Variants in MMP25 observed in about 807,000 individuals in gnomAD.
MMP25 encodes matrix metalloproteinase-25.
A neutral mutation model predicts 62.1 loss-of-function variants in MMP25; 68 were observed. The ratio of observed to expected loss-of-function variants is 1.10; its 90% CI spans 0.90 to 1.34. The LOEUF (loss-of-function observed/expected upper bound fraction) is 1.34, where lower values mean the gene tolerates loss of function less well. MMP25 is among the 40% of genes most tolerant of loss of function. MMP25 has a pLI of 0.00. For missense variants in MMP25, 942 were observed against 792.5 expected, an observed-to-expected ratio of 1.19 and a Z score of -2.26; for synonymous variants, 407 against 345.6, an observed-to-expected ratio of 1.18 and a Z score of -1.97.
Position 3,058,242 on chromosome 16 carries a change from G to T in MMP25, c.1068G>T (p.Leu356=). Residue 356 remains leucine (L), a synonymous_variant, in exon 8 of 10, where the codon CTG becomes CTT. Coordinates refer to ENST00000336577, the MANE Select transcript of MMP25 (RefSeq NM_022468.5). ...TGGTGTCCCCGCGACCCGCACGGCTGCACCGCTTCTGGGAGGGGCTGCCCG... is the reference window on the plus strand; with the variant it reads ...TGGTGTCCCCGCGACCCGCACGGCTTCACCGCTTCTGGGAGGGGCTGCCCG... ...GQLVSPRPAR[L]HRFWEGLPAQ... 1 of 1,611,928 alleles carries T rather than the reference G, an allele frequency of 6.2e-7. No individual in the cohort carries two copies. The highest frequency in any genetic ancestry group is 1.7e-5 in the Admixed American group (1 of 59,860).
intron 7 of MMP25, 140 bp downstream of exon 7, chr16:3,057,753 C>T: frequency 2.6e-6 from 2 of 782,104 alleles, no homozygotes; most frequent in East Asian, 2.5e-5. Flanking sequence ...GGCCGCAGTG[C>T]AGTGGTGTGA....
rs1414833753 is a variant in MMP25 at position 3,059,787 on chromosome 16, CG to C, written c.*690del. ...CAGATATCACCCCTGAGGACCCATG[CG>C]CCACGTCCTGGGTGGTGGAATCAGT... On this transcript the variant is annotated 3_prime_UTR_variant, in exon 10 of 10. Coordinates refer to ENST00000336577, the MANE Select transcript of MMP25 (RefSeq NM_022468.5). 6.6e-6 allele frequency: 1 copy of C among 152,334 alleles called. No homozygotes were observed. The highest frequency in any genetic ancestry group is 2.4e-5 in the African/African-American group (1 of 41,416). The allele number at this position is 152,334 out of a possible 1,614,324, so 9.4% of individuals were successfully genotyped here.
In MMP25 at chr16:3,058,338, G is replaced by C. The variant is rs1162121773; in HGVS notation, c.1159+5G>C. 1 of 1,549,390 alleles carries C rather than the reference G, an allele frequency of 6.5e-7. No individual in the cohort carries two copies. The highest frequency in any genetic ancestry group is 2.0e-5 in the Admixed American group (1 of 48,884). ...GCCGAATCCTCCTCTTTAGCGGTGA[G>C]TGGGGCCGGCGGCGGGGCGCGCTGG... is the stretch of plus-strand genomic sequence containing the variant. On this transcript the variant is annotated splice_donor_5th_base_variant and intron_variant, in intron 8 of 9. Transcript: ENST00000336577.
intron 4 of MMP25, 52 bp from the exon 5 acceptor site, chr16:3,056,981 C>T: frequency 9.2e-6 from 14 of 1,515,488 alleles, no homozygotes; most frequent in African/African-American, 1.4e-5. Context: ...CTTCCTGTGG[C>T]CCCTTTCCCC....
At chr16:3,050,574 C>T (rs765299471) in intron 4 of MMP25, 28 bp downstream of exon 4, 1 of 1,501,840 alleles carries the variant, frequency 6.7e-7, no homozygotes, top group Non-Finnish European at 8.9e-7. Context: ...ATGAGAGATC[C>T]TCTTGCCAGG....
intron 2 of MMP25, among the ~76,000 whole-genome samples, chr16:3,048,867 G>A (rs1202642324): frequency 6.7e-6 from 1 of 150,358 alleles, no homozygotes; most frequent in Non-Finnish European, 1.5e-5. Context: ...GTACAGTGGC[G>A]CAATCTCGGC....
Position 3,060,156 on chromosome 16 carries a change from CCA to C in MMP25, c.*1061_*1062del, listed in dbSNP as rs1596225370. On this transcript the variant is annotated 3_prime_UTR_variant, in exon 10 of 10. Transcript: ENST00000336577. ...ACCTCGTTCACCCTGTCCCCACTCC[CCA>C]CAGTTTTAGGATCTAAATGATTGCC... 1 of 152,236 alleles carries C rather than the reference CCA, an allele frequency of 6.6e-6. No homozygotes were observed. Among genetic ancestry groups the C allele is most frequent in the Non-Finnish European group, 1.5e-5 (1 of 68,110 alleles). 9.4% of individuals were successfully genotyped at this position (152,236 alleles called of 1,614,324 possible).
At position 3,046,706 on chromosome 16, in the gene MMP25, G is replaced by A. The variant is rs1955824629; in HGVS notation, c.-212G>A. 2.5e-6 allele frequency: 1 copy of A among 393,776 alleles called. No homozygotes were observed. The highest frequency in any genetic ancestry group is 4.5e-6 in the Non-Finnish European group (1 of 222,738). The allele number at this position is 393,776 out of a possible 1,614,324, so 24.4% of individuals were successfully genotyped here. A position where few individuals can be genotyped will look rare whatever the true frequency, so the allele number is the denominator to read the frequency against. On this transcript the variant is annotated 5_prime_UTR_variant, in exon 1 of 10. Coordinates refer to ENST00000336577, the MANE Select transcript of MMP25 (RefSeq NM_022468.5). ...GATTCCCGGGCCCACCCGACCCAGC[G>A]GCGCGACCCTGGCCCTCCGGGACCC...
At position 3,050,501 on chromosome 16, in the gene MMP25, G is replaced by T. The variant is rs912661940; in HGVS notation, c.616G>T (p.Asp206Tyr). The T allele has an allele frequency of 1.3e-6, 2 of 1,592,994 alleles. No individual in the cohort carries two copies. Among genetic ancestry groups the T allele is most frequent in the African/African-American group, 2.7e-5 (2 of 74,402 alleles). The change falls in exon 4 of 10, where the codon GAC (aspartate) becomes TAC (tyrosine). Residue 206 changes from aspartate to tyrosine, a missense_variant. Asp to Tyr is a radical substitution (Grantham distance 160). Transcript: ENST00000336577. ...CCCTGGGGAGCACCCCATCTCCGGG[G>T]ACACTCACTTTGACGATGAGGAGAC... ...FFPGEHPISG[D>Y]THFDDEETWT...
Position 3,050,434 on chromosome 16 carries a change from C to T in MMP25, c.549C>T (p.Tyr183=). The part of the protein sequence containing the change: ...DFARAFHQDS[Y]PFDGLGGTLA... ...CCCGCGCCTTCCACCAGGACAGCTA[C>T]CCCTTCGACGGGTTGGGGGGCACCC... The change falls in exon 4 of 10, where the codon TAC becomes TAT. Residue 183 remains tyrosine (Y), a synonymous_variant. Coordinates refer to ENST00000336577, the MANE Select transcript of MMP25 (RefSeq NM_022468.5). 1 of 1,613,994 alleles carries T rather than the reference C, an allele frequency of 6.2e-7. No homozygotes were observed. The highest frequency in any genetic ancestry group is 8.5e-7 in the Non-Finnish European group (1 of 1,179,988).
intron 4 of MMP25, chr16:3,054,582 G>T: frequency 1.7e-5 from 2 of 119,806 alleles, no homozygotes; most frequent in African/African-American, 3.2e-5. Flanking sequence ...GCACAGAGGC[G>T]GGGATGGATG....
chr16:3,057,201 A>C lies in MMP25; in HGVS notation c.830A>C (p.Gln277Pro), dbSNP rs201126272. ...CAGGATGACCGCGATGGCCTGCAGC[A>C]ACTCTATGGTAGGGGGAGAGGGACC... Reference protein sequence around the residue: ...LSQDDRDGLQQLYGKAPQTPY... With the variant: ...LSQDDRDGLQPLYGKAPQTPY... The change falls in exon 5 of 10, where the codon CAA (glutamine) becomes CCA (proline). Residue 277 changes from glutamine (Q) to proline (P), a missense_variant. Physicochemically the swap from Gln to Pro is moderately conservative, Grantham distance 76. Coordinates refer to ENST00000336577, the MANE Select transcript of MMP25 (RefSeq NM_022468.5). The C allele has an allele frequency of 3.1e-6, 5 of 1,612,912 alleles. No homozygotes were observed. Among genetic ancestry groups the C allele is most frequent in the Non-Finnish European group, 1.7e-6 (2 of 1,179,462 alleles).
rs1416968145 is a variant in MMP25, at chr16:3,057,528, C to G, written c.924-3C>G. ...CTCTACTCACCTCTCCTTTCCTCCCCAGCCCATCCTTCCCCATCCCTGATC... is the reference window on the plus strand; with the variant it reads ...CTCTACTCACCTCTCCTTTCCTCCCGAGCCCATCCTTCCCCATCCCTGATC... On this transcript the variant is annotated splice_region_variant and splice_polypyrimidine_tract_variant and intron_variant, in intron 6 of 9. Coordinates refer to ENST00000336577, the MANE Select transcript of MMP25 (RefSeq NM_022468.5). 7 of 1,613,820 alleles carry G rather than the reference C, an allele frequency of 4.3e-6. No individual in the cohort carries two copies. Among genetic ancestry groups the G allele is most frequent in the Non-Finnish European group, 5.9e-6 (7 of 1,179,738 alleles).
intron 2 of MMP25, among the ~76,000 whole-genome samples, chr16:3,049,446 G>T (rs921701078): frequency 6.6e-6 from 1 of 152,200 alleles, no homozygotes; most frequent in African/African-American, 2.4e-5. Context: ...CTCAATAAAT[G>T]AGGCGCAGTT....
At position 3,058,527 on chromosome 16, in the gene MMP25, C is replaced by T; in HGVS notation, c.1275C>T (p.Asn425=). Residue 425 remains asparagine, a synonymous_variant, in exon 9 of 10, where the codon AAC becomes AAT. Transcript: ENST00000336577. ...ACGCCGTGTTCTCGTGGCCACAGAA[C>T]GGGAAGACCTACCTGGTCCGCGGCC... ...EVDAVFSWPQ[N]GKTYLVRGRQ... 1 of 1,611,052 alleles carries T rather than the reference C, an allele frequency of 6.2e-7. No individual in the cohort carries two copies. The highest frequency in any genetic ancestry group is 1.3e-5 in the African/African-American group (1 of 74,988).
Position 3,058,329 on chromosome 16 carries a change from T to C in MMP25, c.1155T>C (p.Phe385=), listed in dbSNP as rs911656416. ...ARHRDGRILL[F]SGPQFWVFQD... ...ACCGAGACGGCCGAATCCTCCTCTT[T>C]AGCGGTGAGTGGGGCCGGCGGCGGG... The change falls in exon 8 of 10, where the codon TTT becomes TTC. Residue 385 remains phenylalanine, a synonymous_variant. Transcript: ENST00000336577. 10 of 1,570,770 alleles carry C rather than the reference T, an allele frequency of 6.4e-6. No individual in the cohort carries two copies. The highest frequency in any genetic ancestry group is 7.8e-6 in the Non-Finnish European group (9 of 1,160,610).
chr16:3,058,373 G>C (rs746699843), intron 8 of MMP25, 39 bp from the exon 9 acceptor site: 1 of 1,496,250 alleles, frequency 6.7e-7, no homozygotes, highest in Admixed American at 2.3e-5. Flanking sequence ...GGGCCGGCGC[G>C]GGGAGCCCAC....
chr16:3,047,396 G>C lies in MMP25; in HGVS notation c.100-19G>C. On this transcript the variant is annotated intron_variant, in intron 1 of 9. Coordinates refer to ENST00000336577, the MANE Select transcript of MMP25 (RefSeq NM_022468.5). The stretch of plus-strand genomic sequence containing the variant: ...ACTTTTCACCCAGCCCGCTTCACCT[G>C]CCCCCTCCGATGCCCTAGGACTGGC... 6.2e-7 allele frequency: 1 copy of C among 1,604,814 alleles called. No homozygotes were observed. The highest frequency in any genetic ancestry group is 8.5e-7 in the Non-Finnish European group (1 of 1,174,166).
intron 2 of MMP25, 59 bp from the exon 3 acceptor site, chr16:3,049,950 T>C (rs753059219): frequency 3.1e-6 from 5 of 1,599,160 alleles, no homozygotes; most frequent in East Asian, 2.2e-5. Context: ...ACTGGTGCTA[T>C]GATTAAGGCA....
Sources: allele counts gnomAD v4.1 joint callset (sites outside exome capture counted in the v4.1 genomes callset), GRCh38; gene constraint gnomAD v4.1.1; transcripts MANE v1.5; gene names NCBI Gene and HGNC (gene_info 2026-07-23, HGNC 2026-07-21).